L3MBTL4: variants seen among roughly 807,000 people sequenced by gnomAD.
The protein encoded by L3MBTL4 is lethal(3)malignant brain tumor-like protein 4.
A neutral mutation model predicts 84.5 loss-of-function variants in L3MBTL4; 70 were observed. The observed-to-expected ratio is 0.83, with a 90% CI of 0.68 to 1.01. The LOEUF is 1.01. Among genes scored for constraint, L3MBTL4 ranks in the 50% least tolerant of loss-of-function variants. The pLI is 0.00. For missense variants in L3MBTL4, 715 were observed against 754.8 expected (o/e 0.95, Z 0.62); for synonymous variants, 274 against 259.8 (o/e 1.05, Z -0.52).
chr18:6,288,757 T>G (rs1358206746), intron 4 of L3MBTL4, among the ~76,000 whole-genome samples: 1 of 152,046 alleles, frequency 6.6e-6, no homozygotes, highest in African/African-American at 2.4e-5. Context: ...ATATCTCACT[T>G]TTCATAAGTA....
At chr18:6,006,220 G>A (rs78978143) in intron 16 of L3MBTL4, among the ~76,000 whole-genome samples, 6,619 of 152,240 alleles carry the variant, frequency 0.043, 199 homozygotes, top group Admixed American at 0.091. Flanking sequence ...GGCTGATGCC[G>A]AACACTGAGT....
rs374838768 is a variant in L3MBTL4 at position 6,215,745 on chromosome 18, C to T, written c.870+5G>A. 2.0e-4 allele frequency: 311 copies of T among 1,581,610 alleles called. No individual in the cohort carries two copies. Among genetic ancestry groups the T allele is most frequent in the Non-Finnish European group, 2.1e-4 (246 of 1,157,806 alleles). On this transcript the variant is annotated splice_donor_5th_base_variant and intron_variant, in intron 11 of 18. Coordinates refer to ENST00000317931, the MANE Select transcript of L3MBTL4 (RefSeq NM_001330559.2). ...GGTGAGAGTTTGTACCCACATAGAA[C>T]TTACCATTTTAAAAACTTTGGCAGG...
At chr18:5,959,602 A>T (rs2095252006) in intron 18 of L3MBTL4, among the ~76,000 whole-genome samples, 1 of 152,148 alleles carries the variant, frequency 6.6e-6, no homozygotes, top group African/African-American at 2.4e-5. Flanking sequence ...CAGGGCAGGG[A>T]TAGATAGGAG....
chr18:5,999,740 G>T (rs563587802), intron 16 of L3MBTL4, among the ~76,000 whole-genome samples: 1 of 152,342 alleles, frequency 6.6e-6, no homozygotes, highest in South Asian at 2.1e-4. Context: ...TAGAAGATAT[G>T]CAGGGGAAGG....
intron 15 of L3MBTL4, 103 bp downstream of exon 15, chr18:6,093,252 T>C: frequency 1.1e-6 from 1 of 921,918 alleles, no homozygotes; most frequent in Non-Finnish European, 1.5e-6. Context: ...ATAAAAATAA[T>C]TCTTTTGAAG....
intron 1 of L3MBTL4, among the ~76,000 whole-genome samples, chr18:6,373,312 C>A (rs1159657275): frequency 1.3e-5 from 2 of 152,174 alleles, no homozygotes; most frequent in African/African-American, 4.8e-5. Context: ...TCCCAAAGGG[C>A]AGTCAAAAGG....
intron 14 of L3MBTL4, among the ~76,000 whole-genome samples, chr18:6,123,362 C>T (rs1052097075): frequency 2.0e-5 from 3 of 152,152 alleles, no homozygotes; most frequent in African/African-American, 7.2e-5. Flanking sequence ...TTGTAGCTCC[C>T]ACAATCCCCA....
intron 4 of L3MBTL4, among the ~76,000 whole-genome samples, chr18:6,266,188 T>G (rs1158981314): frequency 6.6e-6 from 1 of 152,218 alleles, no homozygotes; most frequent in Admixed American, 6.5e-5. Context: ...AACTTCTATG[T>G]GCTAAGCAAC....
At chr18:6,011,875 T>C (rs190887219) in intron 16 of L3MBTL4, among the ~76,000 whole-genome samples, 1 of 152,294 alleles carries the variant, frequency 6.6e-6, no homozygotes, top group African/African-American at 2.4e-5. Context: ...AGTTGAATTG[T>C]TAAAGGGATA....
At chr18:6,122,914 A>G (rs918665148) in intron 14 of L3MBTL4, among the ~76,000 whole-genome samples, 2 of 152,358 alleles carry the variant, frequency 1.3e-5, no homozygotes, top group African/African-American at 4.8e-5. Context: ...AGAAAAAATA[A>G]TCCATTTTAA....
chr18:6,298,735 G>A (rs572947031), intron 4 of L3MBTL4, among the ~76,000 whole-genome samples: 1 of 151,966 alleles, frequency 6.6e-6, no homozygotes, highest in South Asian at 2.1e-4. Context: ...TTAGCCAGGC[G>A]TGGTGGCAGG....
chr18:6,013,630 C>A (rs2054834131), intron 16 of L3MBTL4, among the ~76,000 whole-genome samples: 1 of 152,190 alleles, frequency 6.6e-6, no homozygotes, highest in Non-Finnish European at 1.5e-5. Flanking sequence ...GTCCAACGTC[C>A]CTGCCATCTG....
chr18:6,413,071 T>A (rs1161094372), intron 1 of L3MBTL4, among the ~76,000 whole-genome samples: 1 of 151,996 alleles, frequency 6.6e-6, no homozygotes, highest in East Asian at 1.9e-4. Context: ...GGTGACAGAG[T>A]GAGACCCTAT....
intron 16 of L3MBTL4, among the ~76,000 whole-genome samples, chr18:6,071,787 AAGAAAGAAAGAAAGAAAAAGAAAGAAAGG>A (rs2057649997): frequency 7.0e-6 from 1 of 143,308 alleles, no homozygotes; most frequent in Non-Finnish European, 1.5e-5. Flanking sequence ...GAAAGAAAGA[AAGAAAGAAAGAAAGAAAAAGAAAGAAAGG>A]AAAGAAAGAA....
intron 16 of L3MBTL4, among the ~76,000 whole-genome samples, chr18:6,051,491 A>T (rs1299127342): frequency 6.6e-6 from 1 of 151,952 alleles, no homozygotes; most frequent in African/African-American, 2.4e-5. Flanking sequence ...GTGAGCTGAG[A>T]TCATGCCATT....
intron 14 of L3MBTL4, among the ~76,000 whole-genome samples, chr18:6,136,014 A>G (rs544972586): frequency 3.3e-5 from 5 of 152,284 alleles, no homozygotes; most frequent in African/African-American, 1.2e-4. Flanking sequence ...GGGAGGTGAA[A>G]GGCACATCTT....
In L3MBTL4 at chr18:6,064,910, G is replaced by C. The variant is rs1050805018; in HGVS notation, c.1444+15971C>G. On this transcript the variant is annotated intron_variant, in intron 16 of 18. Coordinates refer to ENST00000317931, the MANE Select transcript of L3MBTL4 (RefSeq NM_001330559.2). ...TGTTGAATAGAAGCGGTAAAAGTGG[G>C]CATCCTTGTCTTGTTCCAGTTCTCA... 2.6e-5 allele frequency among the ~76,000 whole-genome samples: 4 copies of C among 151,994 alleles called. No homozygotes were observed. In the South Asian group the frequency reaches 8.3e-4, roughly 31 times the overall value.
At chr18:6,140,528 CAGG>C (rs1181206538) in intron 13 of L3MBTL4, among the ~76,000 whole-genome samples, 1 of 152,122 alleles carries the variant, frequency 6.6e-6, no homozygotes, top group Non-Finnish European at 1.5e-5. Context: ...TGCTGAGGAC[CAGG>C]AGCCCATGGA....
chr18:6,381,266 G>A (rs982950140), intron 1 of L3MBTL4, among the ~76,000 whole-genome samples: 4 of 152,128 alleles, frequency 2.6e-5, no homozygotes, highest in African/African-American at 9.7e-5. Context: ...GCACACTGAT[G>A]GGTCTTGACT....
Sources: allele counts gnomAD v4.1 joint callset (sites outside exome capture counted in the v4.1 genomes callset), GRCh38; gene constraint gnomAD v4.1.1; transcripts MANE v1.5; gene names NCBI Gene and HGNC (gene_info 2026-07-23, HGNC 2026-07-21).